The following DLEU7 variants were observed in gnomAD, a reference collection of about 807,000 sequenced individuals.
DLEU7 encodes the protein deleted in lymphocytic leukemia 7, also known as leukemia-associated protein 7.
A neutral mutation model predicts 16.0 loss-of-function variants in DLEU7; 17 were observed. That is an observed-to-expected ratio of 1.06 (90% CI 0.73 to 1.59). The LOEUF is 1.59. DLEU7 is among the 40% of genes most tolerant of loss of function. The probability of loss-of-function intolerance (pLI) is 0.00; values close to 1 mark genes in which losing one functional copy is unlikely to be tolerated. For synonymous variants in DLEU7, 113 were observed against 139.8 expected (o/e 0.81, Z 1.35); for missense variants, 308 against 314.9 (o/e 0.98, Z 0.17).
chr13:50,755,506 G>A (rs11618557), intron 1 of DLEU7, among the ~76,000 whole-genome samples: 29,090 of 151,824 alleles, frequency 0.19, 3,337 homozygotes, highest in Middle Eastern at 0.29. Flanking sequence ...AGAACATTTT[G>A]TATTTCTATA....
At chr13:50,728,467 T>C (rs900758407) in intron 1 of DLEU7, among the ~76,000 whole-genome samples, 6 of 152,196 alleles carry the variant, frequency 3.9e-5, no homozygotes, top group Non-Finnish European at 2.9e-5. Context: ...TTTCAAAAGC[T>C]TTAATAAGTG....
intron 1 of DLEU7, among the ~76,000 whole-genome samples, chr13:50,765,941 C>G (rs1875088780): frequency 6.6e-6 from 1 of 152,182 alleles, no homozygotes; most frequent in Non-Finnish European, 1.5e-5. Flanking sequence ...GTGATGAATT[C>G]CCATTTCATC....
downstream of DLEU7, among the ~76,000 whole-genome samples, chr13:50,819,450 G>T (rs1593408650): frequency 6.6e-6 from 1 of 152,182 alleles, no homozygotes; most frequent in East Asian, 1.9e-4. Flanking sequence ...TGGCTGATGT[G>T]TGGAGAATAG....
chr13:50,774,643 A>G (rs914947357), intron 1 of DLEU7, among the ~76,000 whole-genome samples: 5 of 152,144 alleles, frequency 3.3e-5, no homozygotes, highest in African/African-American at 9.7e-5. Flanking sequence ...GTTTTCAATC[A>G]AATTTAGAAA....
downstream of DLEU7, among the ~76,000 whole-genome samples, chr13:50,818,233 G>A (rs1876792659): frequency 6.6e-6 from 1 of 152,022 alleles, no homozygotes; most frequent in Non-Finnish European, 1.5e-5. Context: ...TGAAGTGAGA[G>A]AGAAAAGGAA....
intron 1 of DLEU7, among the ~76,000 whole-genome samples, chr13:50,765,176 A>G (rs1236246506): frequency 6.6e-6 from 1 of 152,096 alleles, no homozygotes; most frequent in Non-Finnish European, 1.5e-5. Flanking sequence ...AGCCACTGCC[A>G]TGTTGCACCT....
intron 1 of DLEU7, among the ~76,000 whole-genome samples, chr13:50,830,650 G>C (rs981325070): frequency 6.6e-6 from 1 of 152,184 alleles, no homozygotes; most frequent in Non-Finnish European, 1.5e-5. Flanking sequence ...GTGTGCTTAG[G>C]AGGCAATCCA....
At chr13:50,806,998 AGT>A (rs1876409371) in intron 1 of DLEU7, among the ~76,000 whole-genome samples, 1 of 150,212 alleles carries the variant, frequency 6.7e-6, no homozygotes, top group African/African-American at 2.4e-5. Context: ...AAAAAAAAAA[AGT>A]CGGTCTGCTC....
intron 1 of DLEU7, among the ~76,000 whole-genome samples, chr13:50,787,792 C>A (rs939485081): frequency 6.6e-6 from 1 of 152,070 alleles, no homozygotes; most frequent in South Asian, 2.1e-4. Flanking sequence ...CAGACCAGTT[C>A]CACCCCCATC....
At chr13:50,805,101 T>C (rs960088849) in intron 1 of DLEU7, among the ~76,000 whole-genome samples, 77 of 152,224 alleles carry the variant, frequency 5.1e-4, no homozygotes, top group Admixed American at 1.3e-3. Context: ...GTTGTGGTAG[T>C]AGACATTCTT....
intron 1 of DLEU7, among the ~76,000 whole-genome samples, chr13:50,762,072 A>G (rs535952166): frequency 6.6e-6 from 1 of 151,378 alleles, no homozygotes; most frequent in Non-Finnish European, 1.5e-5. Flanking sequence ...GGCACCTGTA[A>G]TCCCAGCTAC....
At chr13:50,775,651 C>G (rs1875472766) in intron 1 of DLEU7, among the ~76,000 whole-genome samples, 1 of 152,202 alleles carries the variant, frequency 6.6e-6, no homozygotes. Flanking sequence ...TGCTTCAGCT[C>G]TGTGGGCTAC....
At chr13:50,792,601 A>G (rs987454640) in intron 1 of DLEU7, among the ~76,000 whole-genome samples, 5 of 150,182 alleles carry the variant, frequency 3.3e-5, no homozygotes, top group African/African-American at 9.8e-5. Context: ...TCACTTCTCT[A>G]TTCACTTCCG....
chr13:50,829,520 A>G (rs1196349310), intron 1 of DLEU7, among the ~76,000 whole-genome samples: 1 of 152,162 alleles, frequency 6.6e-6, no homozygotes, highest in East Asian at 1.9e-4. Flanking sequence ...CCTGAAGTCA[A>G]TTTCATGTTT....
At chr13:50,764,787 C>T (rs1030256361) in intron 1 of DLEU7, among the ~76,000 whole-genome samples, 3 of 152,132 alleles carry the variant, frequency 2.0e-5, no homozygotes, top group Non-Finnish European at 4.4e-5. Flanking sequence ...GAAGATATAA[C>T]AATTATCCAT....
intron 1 of DLEU7, among the ~76,000 whole-genome samples, chr13:50,728,567 G>T (rs940535815): frequency 1.3e-5 from 2 of 151,314 alleles, no homozygotes; most frequent in Non-Finnish European, 2.9e-5. Context: ...TTTTTTCAGC[G>T]AGGTTAATAG....
chr13:50,822,081 C>T (rs1286025343), downstream of DLEU7, among the ~76,000 whole-genome samples: 1 of 152,056 alleles, frequency 6.6e-6, no homozygotes, highest in Non-Finnish European at 1.5e-5. Flanking sequence ...CACACGCATG[C>T]ACACAGACAC....
At chr13:50,798,157 T>A (rs921302395) in intron 1 of DLEU7, among the ~76,000 whole-genome samples, 1 of 152,188 alleles carries the variant, frequency 6.6e-6, no homozygotes, top group Non-Finnish European at 1.5e-5. Flanking sequence ...TCACTCTACC[T>A]GGCTCTGCAA....
At chr13:50,837,519 C>T (rs1056101629) in intron 1 of DLEU7, among the ~76,000 whole-genome samples, 1 of 152,098 alleles carries the variant, frequency 6.6e-6, no homozygotes, top group Non-Finnish European at 1.5e-5. Context: ...AGAGAATAAC[C>T]GAAATTCTGT....
Sources: allele counts gnomAD v4.1 joint callset (sites outside exome capture counted in the v4.1 genomes callset), GRCh38; gene constraint gnomAD v4.1.1; transcripts MANE v1.5; gene names NCBI Gene and HGNC (gene_info 2026-07-23, HGNC 2026-07-21).